NFIA: variants seen among roughly 807,000 people sequenced by gnomAD.
NFIA encodes the protein nuclear factor I A.
Under a neutral mutation model 62.8 loss-of-function variants are expected in NFIA, and 8 were observed. The observed-to-expected ratio is 0.13, with a 90% CI of 0.07 to 0.23. The LOEUF is 0.23. Ranked by LOEUF, NFIA falls within the 10% of genes least tolerant of loss-of-function variation. The pLI, the probability that NFIA is intolerant of heterozygous loss-of-function variation, is 1.00. For synonymous variants in NFIA, 235 were observed against 238.1 expected (o/e 0.99, Z 0.12); for missense variants, 410 against 642.1 (o/e 0.64, Z 3.91).
intron 1 of NFIA, among the ~76,000 whole-genome samples, chr1:61,083,046 C>T (rs1361258132): frequency 6.6e-6 from 1 of 152,164 alleles, no homozygotes; most frequent in African/African-American, 2.4e-5. Context: ...GTGCATTCCT[C>T]TTGCACGGCC....
chr1:61,357,230 C>A (rs78099956), intron 5 of NFIA, among the ~76,000 whole-genome samples: 24 of 152,264 alleles, frequency 1.6e-4, no homozygotes, highest in Admixed American at 5.2e-4. Flanking sequence ...GGGTTATGTT[C>A]GAAATATCTG....
At chr1:61,408,521 C>T (rs1019263750) in intron 9 of NFIA, among the ~76,000 whole-genome samples, 7 of 152,178 alleles carry the variant, frequency 4.6e-5, no homozygotes, top group African/African-American at 1.7e-4. Context: ...CCATTTTCTG[C>T]TCGTCTTCTC....
At chr1:61,196,928 TGTGTGTGTGTGTGCGC>T (rs1290104726) in intron 2 of NFIA, among the ~76,000 whole-genome samples, 30 of 122,752 alleles carry the variant, frequency 2.4e-4, no homozygotes, top group African/African-American at 8.7e-4. Flanking sequence ...TGTGTGTGTG[TGTGTGTGTGTGTGCGC>T]GCGCGCGCTG....
At chr1:61,418,314 T>A (rs1208733578) in intron 9 of NFIA, among the ~76,000 whole-genome samples, 1 of 151,748 alleles carries the variant, frequency 6.6e-6, no homozygotes, top group East Asian at 1.9e-4. Flanking sequence ...AAATAAAAAT[T>A]TCCAGGCATG....
At chr1:61,327,553 G>A (rs952891276) in intron 3 of NFIA, among the ~76,000 whole-genome samples, 1 of 152,084 alleles carries the variant, frequency 6.6e-6, no homozygotes, top group East Asian at 1.9e-4. Context: ...TAGAATAATG[G>A]CCTCTGGCTC....
chr1:61,242,967 C>T (rs1441448595), intron 2 of NFIA, among the ~76,000 whole-genome samples: 1 of 151,722 alleles, frequency 6.6e-6, no homozygotes, highest in Non-Finnish European at 1.5e-5. Context: ...TTTGTATATT[C>T]TCTATCACAA....
intron 4 of NFIA, among the ~76,000 whole-genome samples, chr1:61,338,352 G>C (rs989237015): frequency 2.0e-5 from 3 of 152,224 alleles, no homozygotes; most frequent in Non-Finnish European, 4.4e-5. Context: ...TGGAGAGTGG[G>C]AGTGAATGGA....
intron 10 of NFIA, among the ~76,000 whole-genome samples, chr1:61,441,292 GGT>G (rs763246425): frequency 0.28 from 38,734 of 139,244 alleles, 5,437 homozygotes; most frequent in Middle Eastern, 0.46. Context: ...GCCGTGCAGG[GGT>G]GTGTGTGTGT....
chr1:61,206,971 C>T (rs530290169), intron 2 of NFIA, among the ~76,000 whole-genome samples: 9 of 152,182 alleles, frequency 5.9e-5, no homozygotes, highest in South Asian at 2.1e-4. Context: ...TTATATCTTT[C>T]GATGTATGTC....
At chr1:61,442,754 T>G (rs937942100) in intron 10 of NFIA, among the ~76,000 whole-genome samples, 2 of 152,194 alleles carry the variant, frequency 1.3e-5, no homozygotes, top group African/African-American at 2.4e-5. Context: ...GACTGACCAA[T>G]GAGAAATTAT....
chr1:61,161,656 T>C (rs1395478786), intron 2 of NFIA, among the ~76,000 whole-genome samples: 2 of 152,044 alleles, frequency 1.3e-5, no homozygotes, highest in Non-Finnish European at 1.5e-5. Flanking sequence ...TTTGACTTTA[T>C]GATGAGTTTA....
At chr1:61,194,701 T>C (rs969097156) in intron 2 of NFIA, among the ~76,000 whole-genome samples, 3 of 152,192 alleles carry the variant, frequency 2.0e-5, no homozygotes, top group Non-Finnish European at 4.4e-5. Flanking sequence ...TTCAAGGTCC[T>C]GTATGTAGGA....
At chr1:61,370,995 A>G (rs1663853143) in intron 6 of NFIA, among the ~76,000 whole-genome samples, 1 of 152,116 alleles carries the variant, frequency 6.6e-6, no homozygotes, top group South Asian at 2.1e-4. Flanking sequence ...CCCCACCCAG[A>G]AATCACTTAA....
intron 2 of NFIA, among the ~76,000 whole-genome samples, chr1:61,136,248 A>G (rs1647188397): frequency 6.6e-6 from 1 of 152,188 alleles, no homozygotes; most frequent in Non-Finnish European, 1.5e-5. Flanking sequence ...TGACCTTAAT[A>G]AAGCTATTTT....
At chr1:61,195,113 A>G (rs993849130) in intron 2 of NFIA, among the ~76,000 whole-genome samples, 5 of 152,310 alleles carry the variant, frequency 3.3e-5, no homozygotes, top group African/African-American at 1.2e-4. Context: ...GTAACCAGGA[A>G]TCTATACTGA....
At chr1:61,157,312 C>G (rs1483514415) in intron 2 of NFIA, among the ~76,000 whole-genome samples, 15 of 152,130 alleles carry the variant, frequency 9.9e-5, no homozygotes, top group Admixed American at 9.8e-4. Flanking sequence ...CTCCCTCTTT[C>G]CTTCCCTCCA....
intron 2 of NFIA, among the ~76,000 whole-genome samples, chr1:61,229,446 T>TG (rs1654533505): frequency 6.6e-6 from 1 of 152,204 alleles, no homozygotes; most frequent in South Asian, 2.1e-4. Flanking sequence ...ACATCATTGT[T>TG]GCTCTAGGTA....
At chr1:61,329,446 G>T (rs1185908615) in intron 3 of NFIA, among the ~76,000 whole-genome samples, 1 of 143,238 alleles carries the variant, frequency 7.0e-6, no homozygotes, top group Non-Finnish European at 1.5e-5. Context: ...ACAGTGGCAC[G>T]ATCTCGGCTC....
At position 61,430,773 on chromosome 1, in the gene NFIA, C is replaced by A. The variant is rs141128171; in HGVS notation, c.1512+4217C>A. On this transcript the variant is annotated intron_variant, in intron 10 of 10. Coordinates refer to ENST00000403491, the MANE Select transcript of NFIA (RefSeq NM_001134673.4). ...AATTGCATTGTATATCTGGCCCTGGCTTTCGGCTTTGTTCGAACATTCCTG... is the reference window on the plus strand; with the variant it reads ...AATTGCATTGTATATCTGGCCCTGGATTTCGGCTTTGTTCGAACATTCCTG... Among the ~76,000 whole-genome samples, 77 of 152,258 alleles carry A rather than the reference C, an allele frequency of 5.1e-4. 2 individuals carry two copies. In the East Asian group the frequency reaches 0.013, roughly 25 times the overall value.
Sources: gnomAD v4.1 joint callset for allele counts (sites outside exome capture counted in the v4.1 genomes callset) on GRCh38, gnomAD v4.1.1 for gene constraint, MANE v1.5 for transcripts, NCBI Gene and HGNC (gene_info 2026-07-23, HGNC 2026-07-21) for gene names.